The following SHROOM3 variants were observed in gnomAD, a reference collection of about 807,000 sequenced individuals.
SHROOM3 encodes the protein shroom family member 3.
A neutral mutation model predicts 138.6 loss-of-function variants in SHROOM3; 47 were observed. The observed-to-expected ratio is 0.34, with a 90% CI of 0.27 to 0.43. The LOEUF is 0.43. Ranked by LOEUF, SHROOM3 falls within the 20% of genes least tolerant of loss-of-function variation. The pLI is 1.00. For synonymous variants in SHROOM3, 1,062 were observed against 1,063.3 expected (o/e 1.00, Z 0.02); for missense variants, 2,491 against 2,596.5 (o/e 0.96, Z 0.88).
chr4:76,568,383 G>GA (rs1733771010), intron 2 of SHROOM3, among the ~76,000 whole-genome samples: 1 of 152,166 alleles, frequency 6.6e-6, no homozygotes, highest in African/African-American at 2.4e-5. Context: ...AATAGCGTTA[G>GA]TTATTTTTCC....
Position 76,512,762 on chromosome 4 carries a change from C to T in SHROOM3, c.169-42847C>T, listed in dbSNP as rs114939714. The stretch of plus-strand genomic sequence containing the variant: ...TTCTCTTTCAACTTGATGAGGTGCT[C>T]CCACGGAGGGACAGTTAGCAGAAAA... On this transcript the variant is annotated intron_variant, in intron 1 of 10. Coordinates refer to ENST00000296043, the MANE Select transcript of SHROOM3 (RefSeq NM_020859.4). 5.7e-3 allele frequency among the ~76,000 whole-genome samples: 860 copies of T among 152,162 alleles called. 9 individuals are homozygous for T. Among genetic ancestry groups the T allele is most frequent in the African/African-American group, 0.02 (820 of 41,494 alleles).
chr4:76,644,036 G>C lies in SHROOM3; in HGVS notation c.324-66120G>C, dbSNP rs372550665. ...ATTTTGTATTTTTAGTAGAGACAGG[G>C]TTTCACCATGTTGGTCAGGCTGGTC... is the stretch of plus-strand genomic sequence containing the variant. On this transcript the variant is annotated intron_variant, in intron 2 of 10. Transcript: ENST00000296043. Among the ~76,000 whole-genome samples, 95 of 152,086 alleles carry C rather than the reference G, an allele frequency of 6.2e-4. No individual in the cohort carries two copies. In the Middle Eastern group the frequency reaches 0.02, roughly 33 times the overall value.
chr4:76,757,034 T>A, intron 8 of SHROOM3, 97 bp downstream of exon 8: 1 of 1,586,224 alleles, frequency 6.3e-7, no homozygotes, highest in East Asian at 2.2e-5. Context: ...GTTCTCCTAC[T>A]GCCACAGCTC....
chr4:76,648,754 T>A (rs1220950147), intron 2 of SHROOM3, among the ~76,000 whole-genome samples: 1 of 152,230 alleles, frequency 6.6e-6, no homozygotes, highest in Non-Finnish European at 1.5e-5. Flanking sequence ...GATTTGATTA[T>A]AACTTTAGAC....
intron 1 of SHROOM3, among the ~76,000 whole-genome samples, chr4:76,506,968 C>T (rs1414474268): frequency 2.6e-5 from 4 of 152,020 alleles, no homozygotes; most frequent in Non-Finnish European, 5.9e-5. Context: ...TCCATAATAA[C>T]CAAAAATATG....
chr4:76,534,106 G>A (rs1732889540), intron 1 of SHROOM3, among the ~76,000 whole-genome samples: 1 of 152,218 alleles, frequency 6.6e-6, no homozygotes, highest in Non-Finnish European at 1.5e-5. Flanking sequence ...CCCAGTGCCT[G>A]GTATGCAGTA....
intron 2 of SHROOM3, among the ~76,000 whole-genome samples, chr4:76,626,789 C>A (rs10222847): frequency 0.12 from 18,263 of 152,088 alleles, 1,257 homozygotes; most frequent in East Asian, 0.29. Flanking sequence ...TCTCTTGGTC[C>A]AAAAGCTTCC....
chr4:76,773,232 A>G (rs6831992), intron 10 of SHROOM3, among the ~76,000 whole-genome samples: 12,606 of 151,824 alleles, frequency 0.083, 673 homozygotes, highest in African/African-American at 0.14. Context: ...AAAATTAACC[A>G]GGTGTGTGGC....
intron 2 of SHROOM3, among the ~76,000 whole-genome samples, chr4:76,649,446 T>A (rs530219881): frequency 1.3e-5 from 2 of 152,298 alleles, no homozygotes; most frequent in South Asian, 2.1e-4. Flanking sequence ...TAATGAAAAG[T>A]GGGGCAATGG....
At chr4:76,777,735 T>C (rs774760408) in intron 10 of SHROOM3, among the ~76,000 whole-genome samples, 1 of 152,218 alleles carries the variant, frequency 6.6e-6, no homozygotes, top group African/African-American at 2.4e-5. Flanking sequence ...TGTGGGTTTG[T>C]CTCCTCAGTT....
intron 2 of SHROOM3, among the ~76,000 whole-genome samples, chr4:76,682,322 A>G (rs1719223378): frequency 6.6e-6 from 1 of 152,176 alleles, no homozygotes; most frequent in Admixed American, 6.5e-5. Flanking sequence ...ATTAATTTTT[A>G]TAAAAACCTT....
At chr4:76,749,138 G>A (rs567882904) in intron 6 of SHROOM3, 48 bp downstream of exon 6, 3 of 1,490,094 alleles carry the variant, frequency 2.0e-6, no homozygotes, top group South Asian at 2.3e-5. Flanking sequence ...TGCTGCTGGT[G>A]TTAAACTACT....
At chr4:76,640,220 G>A (rs17002132) in intron 2 of SHROOM3, among the ~76,000 whole-genome samples, 2,158 of 152,262 alleles carry the variant, frequency 0.014, 58 homozygotes, top group African/African-American at 0.049. Context: ...GTGTGTCTAC[G>A]TGTGTCGTTA....
intron 5 of SHROOM3, among the ~76,000 whole-genome samples, chr4:76,742,766 A>C (rs1187192117): frequency 6.6e-6 from 1 of 152,130 alleles, no homozygotes; most frequent in Non-Finnish European, 1.5e-5. Context: ...GGCCTGCCTC[A>C]TGCTTCCCTT....
intron 2 of SHROOM3, among the ~76,000 whole-genome samples, chr4:76,666,500 C>G (rs1718698058): frequency 6.6e-6 from 1 of 152,182 alleles, no homozygotes; most frequent in Non-Finnish European, 1.5e-5. Context: ...TAATCTTGAA[C>G]TGGTGGGCTC....
intron 2 of SHROOM3, among the ~76,000 whole-genome samples, chr4:76,689,355 C>CCA (rs1719432037): frequency 6.6e-6 from 1 of 151,600 alleles, no homozygotes. Flanking sequence ...TGGTGGCGAG[C>CCA]GAGCGCCGAG....
At position 76,741,803 on chromosome 4, in the gene SHROOM3, C is replaced by T. The variant is rs1578010299; in HGVS notation, c.3630C>T (p.Ser1210=). ...QRGDETPREP[S]SWGARAGKSM... ...GGGATGAGACCCCCAGGGAGCCATCCTCCTGGGGGGCCAGGGCCGGGAAGT... is the reference window on the plus strand; with the variant it reads ...GGGATGAGACCCCCAGGGAGCCATCTTCCTGGGGGGCCAGGGCCGGGAAGT... Residue 1210 remains serine, a synonymous_variant, in exon 5 of 11, where the codon TCC becomes TCT. Coordinates refer to ENST00000296043, the MANE Select transcript of SHROOM3 (RefSeq NM_020859.4). The surrounding 1 kb of genome is among the most constrained non-coding windows in gnomAD (Gnocchi z 6.2). 1.3e-6 allele frequency: 2 copies of T among 1,585,202 alleles called. No homozygotes were observed. The highest frequency in any genetic ancestry group is 4.6e-5 in the East Asian group (2 of 43,652).
rs1177506877 is a variant in SHROOM3 at position 76,644,430 on chromosome 4, T to C, written c.324-65726T>C. 8.6e-5 allele frequency: 13 copies of C among 151,790 alleles called. No homozygotes were observed. In the East Asian group the frequency reaches 2.3e-3, roughly 27 times the overall value. 9.4% of individuals were successfully genotyped at this position (151,790 alleles called of 1,614,324 possible). A position where few individuals can be genotyped will look rare whatever the true frequency, so the allele number is the denominator to read the frequency against. On this transcript the variant is annotated intron_variant, in intron 2 of 10. Transcript: ENST00000296043. ...ATGTCTGGCTAATTTTTTGTATTTTTAGTAGAGATAGGGTTTCTCTATGTT... is the reference window on the plus strand; with the variant it reads ...ATGTCTGGCTAATTTTTTGTATTTTCAGTAGAGATAGGGTTTCTCTATGTT...
chr4:76,714,348 A>C (rs1720312199), intron 3 of SHROOM3, among the ~76,000 whole-genome samples: 1 of 152,074 alleles, frequency 6.6e-6, no homozygotes, highest in African/African-American at 2.4e-5. Flanking sequence ...GACACTTTTG[A>C]AGAGCTCTGG....
Sources: gnomAD v4.1 joint callset for allele counts (sites outside exome capture counted in the v4.1 genomes callset) on GRCh38, gnomAD v4.1.1 for gene constraint, Gnocchi (gnomAD v3.1) non-coding constraint, MANE v1.5 for transcripts, NCBI Gene and HGNC (gene_info 2026-07-23, HGNC 2026-07-21) for gene names.